SNTG2: variants seen among roughly 807,000 people sequenced by gnomAD.
SNTG2 encodes the protein syntrophin gamma 2.
SNTG2 carries 74 observed loss-of-function variants against 70.9 expected under a neutral mutation model. The ratio of observed to expected loss-of-function variants is 1.04; its 90% CI spans 0.86 to 1.27. The LOEUF (loss-of-function observed/expected upper bound fraction) is 1.27. Among genes scored for constraint, SNTG2 ranks in the 50% most tolerant of loss-of-function variants. The probability of loss-of-function intolerance (pLI) is 0.00; values close to 1 mark genes in which losing one functional copy is unlikely to be tolerated. For synonymous variants in SNTG2, 278 were observed against 273.8 expected, an observed-to-expected ratio of 1.02 and a Z score of -0.15; for missense variants, 717 against 690.7, an observed-to-expected ratio of 1.04 and a Z score of -0.43.
intron 1 of SNTG2, among the ~76,000 whole-genome samples, chr2:1,015,463 G>A (rs1659861980): frequency 6.6e-6 from 1 of 152,098 alleles, no homozygotes; most frequent in African/African-American, 2.4e-5. Flanking sequence ...ACTTACAAGA[G>A]GTTTATTTCT....
chr2:1,303,754 A>G (rs1305478817), intron 14 of SNTG2, among the ~76,000 whole-genome samples: 1 of 152,224 alleles, frequency 6.6e-6, no homozygotes, highest in East Asian at 1.9e-4. Context: ...GAAGACAAAA[A>G]TTGAGAATGT....
At chr2:956,126 T>C (rs1660138365) in intron 1 of SNTG2, among the ~76,000 whole-genome samples, 1 of 75,952 alleles carries the variant, frequency 1.3e-5, no homozygotes, top group Non-Finnish European at 2.4e-5. Flanking sequence ...CCCCTGCCCA[T>C]GCCCTGCACC....
rs1676794350 is a variant in SNTG2, at chr2:1,238,015, A to T, written c.847A>T (p.Asn283Tyr). The T allele has an allele frequency of 6.2e-7, 1 of 1,609,348 alleles. No individual in the cohort carries two copies. Among genetic ancestry groups the T allele is most frequent in the Admixed American group, 1.7e-5 (1 of 59,596 alleles). The change falls in exon 10 of 17, where the codon AAC becomes TAC. Residue 283 changes from asparagine (N) to tyrosine (Y), a missense_variant and splice_region_variant. Asn to Tyr is a moderately radical substitution (Grantham distance 143). Coordinates refer to ENST00000308624, the MANE Select transcript of SNTG2 (RefSeq NM_018968.4). ...CAACATCAGGGAGCTGACACTTCAG[A>T]ACGTGAGCACACGGTGTTTCTGAGT... Reference protein sequence around the residue: ...SANIRELTLQNMKMANKCCSP... With the variant: ...SANIRELTLQYMKMANKCCSP...
chr2:1,052,764 A>G (rs905997856), intron 1 of SNTG2, among the ~76,000 whole-genome samples: 10 of 152,186 alleles, frequency 6.6e-5, no homozygotes, highest in African/African-American at 2.2e-4. Context: ...AACTTGATTT[A>G]CAGACACAGG....
intron 2 of SNTG2, among the ~76,000 whole-genome samples, chr2:1,089,651 T>C (rs1169543544): frequency 2.0e-5 from 3 of 152,150 alleles, no homozygotes; most frequent in South Asian, 4.1e-4. Context: ...ATAATAATAA[T>C]AGTTTACATA....
chr2:1,062,801 CCTACA>C (rs1662906217), intron 1 of SNTG2, among the ~76,000 whole-genome samples: 1 of 152,124 alleles, frequency 6.6e-6, no homozygotes, highest in African/African-American at 2.4e-5. Context: ...TAAATGTCAA[CCTACA>C]CTTCATGGTG....
intron 6 of SNTG2, among the ~76,000 whole-genome samples, chr2:1,143,112 A>G (rs1404411241): frequency 6.6e-6 from 1 of 152,196 alleles, no homozygotes. Flanking sequence ...TCAGTAGGAT[A>G]TGAATGTGCA....
chr2:976,297 T>C (rs961709179), intron 1 of SNTG2, among the ~76,000 whole-genome samples: 2 of 152,152 alleles, frequency 1.3e-5, no homozygotes, highest in African/African-American at 2.4e-5. Context: ...GTATTTTGAG[T>C]TGTGAAGGTT....
chr2:1,221,471 C>CTCTGTCTCTCTCTGTCTCTT (rs1674836327), intron 9 of SNTG2, among the ~76,000 whole-genome samples: 1 of 16,034 alleles, frequency 6.2e-5, no homozygotes, highest in South Asian at 3.0e-3. Context: ...CTCTGTCTCT[C>CTCTGTCTCTCTCTGTCTCTT]TGTCTCTCTC....
At chr2:1,175,104 T>C (rs572284935) in intron 8 of SNTG2, among the ~76,000 whole-genome samples, 3 of 152,340 alleles carry the variant, frequency 2.0e-5, no homozygotes, top group Admixed American at 6.5e-5. Context: ...AACGTTTGCT[T>C]TTCACATTAG....
At chr2:952,899 T>C (rs908498797) in intron 1 of SNTG2, among the ~76,000 whole-genome samples, 47 of 152,248 alleles carry the variant, frequency 3.1e-4, no homozygotes, top group Admixed American at 5.9e-4. Flanking sequence ...CCTTACTTAA[T>C]GGCAGAATTA....
chr2:1,316,145 C>A, intron 15 of SNTG2, 120 bp from the exon 16 acceptor site: 1 of 582,218 alleles, frequency 1.7e-6, no homozygotes, highest in South Asian at 2.4e-5. Flanking sequence ...TGCTAAACGT[C>A]GATTTAAACA....
At chr2:1,217,245 C>T (rs549972141) in intron 9 of SNTG2, among the ~76,000 whole-genome samples, 10 of 152,190 alleles carry the variant, frequency 6.6e-5, no homozygotes, top group African/African-American at 2.4e-4. Flanking sequence ...CATTTGCCTC[C>T]AACATGTTAC....
intron 9 of SNTG2, among the ~76,000 whole-genome samples, chr2:1,225,530 C>T (rs1301482168): frequency 6.6e-6 from 1 of 152,096 alleles, no homozygotes; most frequent in East Asian, 1.9e-4. Context: ...CCGGTCCTCT[C>T]TTGAGAGTCG....
chr2:1,148,029 T>G (rs1669213215), intron 6 of SNTG2, among the ~76,000 whole-genome samples: 2 of 152,098 alleles, frequency 1.3e-5, no homozygotes, highest in African/African-American at 4.8e-5. Context: ...GAAGAGAGGG[T>G]GCTGGAATGA....
chr2:1,156,815 C>T (rs1359738787), intron 6 of SNTG2, among the ~76,000 whole-genome samples: 3 of 152,086 alleles, frequency 2.0e-5, no homozygotes, highest in Non-Finnish European at 4.4e-5. Context: ...AACGGGCCTG[C>T]GGTGAAAGAG....
intron 1 of SNTG2, among the ~76,000 whole-genome samples, chr2:1,028,800 T>C (rs1314289350): frequency 6.6e-6 from 1 of 151,638 alleles, no homozygotes; most frequent in Non-Finnish European, 1.5e-5. Context: ...CTTCTCACCC[T>C]GCGCTTCTAA....
intron 16 of SNTG2, among the ~76,000 whole-genome samples, chr2:1,333,577 T>C (rs186675811): frequency 7.2e-5 from 11 of 152,264 alleles, no homozygotes; most frequent in African/African-American, 2.6e-4. Context: ...AGCATGGTAC[T>C]AGTACAAAAA....
intron 14 of SNTG2, among the ~76,000 whole-genome samples, chr2:1,288,584 C>T (rs921044907): frequency 3.9e-5 from 6 of 152,132 alleles, no homozygotes; most frequent in African/African-American, 1.2e-4. Flanking sequence ...TGCAGGTATG[C>T]ACATATACAT....
Sources: gnomAD v4.1 joint callset for allele counts (sites outside exome capture counted in the v4.1 genomes callset) on GRCh38, gnomAD v4.1.1 for gene constraint, MANE v1.5 for transcripts, NCBI Gene and HGNC (gene_info 2026-07-23, HGNC 2026-07-21) for gene names.